Variants in RBPJ observed in about 807,000 individuals in gnomAD.
RBPJ encodes recombining binding protein suppressor of hairless.
In RBPJ, 9 loss-of-function variants were observed where a neutral mutation model predicts 67.8. The ratio of observed to expected loss-of-function variants is 0.13; its 90% CI spans 0.08 to 0.23. The LOEUF (loss-of-function observed/expected upper bound fraction) is 0.23. Among genes scored for constraint, RBPJ ranks in the 10% least tolerant of loss-of-function variants. The pLI, the probability that RBPJ is intolerant of heterozygous loss-of-function variation, is 1.00. For synonymous variants in RBPJ, 198 were observed against 203.3 expected, an observed-to-expected ratio of 0.97 and a Z score of 0.22; for missense variants, 305 against 595.6, an observed-to-expected ratio of 0.51 and a Z score of 5.08.
intron 1 of RBPJ, among the ~76,000 whole-genome samples, chr4:26,245,502 C>T (rs946143959): frequency 3.3e-5 from 5 of 152,030 alleles, no homozygotes; most frequent in East Asian, 1.9e-4. Context: ...ACACTGCACC[C>T]GGCCCACTAA....
chr4:26,183,412 G>A (rs914875142), intron 1 of RBPJ, among the ~76,000 whole-genome samples: 2 of 152,190 alleles, frequency 1.3e-5, no homozygotes, highest in African/African-American at 4.8e-5. Flanking sequence ...ACACGTTCTT[G>A]TTAGTAACCG....
chr4:26,201,859 G>A (rs1306911270), intron 1 of RBPJ, among the ~76,000 whole-genome samples: 1 of 152,154 alleles, frequency 6.6e-6, no homozygotes. Flanking sequence ...CTTATACACA[G>A]ATCAGAAATT....
In RBPJ at chr4:26,293,059, G is replaced by T. The variant is rs142791009; in HGVS notation, c.-166-69387G>T. On this transcript the variant is annotated intron_variant, in intron 1 of 4. Transcript: ENST00000512351. Reference sequence around the variant, plus strand: ...CACTTGGATATAGCTGGAGCACAAGGTACAGGGAGGGGAGTGAGAATGGGA... The same window carrying T: ...CACTTGGATATAGCTGGAGCACAAGTTACAGGGAGGGGAGTGAGAATGGGA... 1.7e-3 allele frequency among the ~76,000 whole-genome samples: 259 copies of T among 150,644 alleles called. 12 individuals carry two copies. Among genetic ancestry groups the T allele is most frequent in the African/African-American group, 6.0e-3 (246 of 41,000 alleles).
chr4:26,424,949 A>G lies in RBPJ; in HGVS notation c.747+206A>G. ...CTTTAAGGTAATAGCCAGTTTTTACAAGTACATTCTTAATGATTTTTTCTT... is the reference window on the plus strand; with the variant it reads ...CTTTAAGGTAATAGCCAGTTTTTACGAGTACATTCTTAATGATTTTTTCTT... On this transcript the variant is annotated intron_variant, in intron 7 of 10. Coordinates refer to ENST00000355476, the MANE Select transcript of RBPJ (RefSeq NM_015874.6). The surrounding 1 kb of genome is among the most constrained non-coding windows in gnomAD (Gnocchi z 5.3). 4.4e-6 allele frequency: 2 copies of G among 455,066 alleles called. No individual in the cohort carries two copies. Among genetic ancestry groups the G allele is most frequent in the Non-Finnish European group, 7.7e-6 (2 of 260,282 alleles). The allele number at this position is 455,066 out of a possible 1,614,324, so 28.2% of individuals were successfully genotyped here. A position where few individuals can be genotyped will look rare whatever the true frequency, so the allele number is the denominator to read the frequency against.
chr4:26,228,939 T>C (rs1719179514), intron 1 of RBPJ, among the ~76,000 whole-genome samples: 1 of 152,198 alleles, frequency 6.6e-6, no homozygotes, highest in South Asian at 2.1e-4. Flanking sequence ...CCACCTCCAT[T>C]TACTCAGCTC....
At chr4:26,357,478 T>C (rs1465335049) in intron 1 of RBPJ, among the ~76,000 whole-genome samples, 1 of 152,162 alleles carries the variant, frequency 6.6e-6, no homozygotes, top group African/African-American at 2.4e-5. Context: ...AAAGGAAATA[T>C]TTAGAAAATT....
chr4:26,429,789 C>T, intron 8 of RBPJ, 109 bp from the exon 9 acceptor site: 1 of 875,302 alleles, frequency 1.1e-6, no homozygotes, highest in Non-Finnish European at 1.7e-6. Context: ...TAAGTTTTTA[C>T]TGAGTTATCT....
At chr4:26,270,401 GAA>G (rs1312834767) in intron 1 of RBPJ, among the ~76,000 whole-genome samples, 3 of 59,988 alleles carry the variant, frequency 5.0e-5, no homozygotes, top group African/African-American at 1.5e-4. Flanking sequence ...AAGAAAGAAA[GAA>G]AGAAAGAAAG....
intron 2 of RBPJ, among the ~76,000 whole-genome samples, chr4:26,400,661 G>A (rs1048142206): frequency 6.6e-6 from 1 of 152,086 alleles, no homozygotes; most frequent in African/African-American, 2.4e-5. Context: ...TTTTACTGTT[G>A]AAAGAAGCTA....
At chr4:26,159,911 C>T (rs960888991), upstream of RBPJ, among the ~76,000 whole-genome samples, 2 of 149,798 alleles carry the variant, frequency 1.3e-5, no homozygotes, top group South Asian at 2.1e-4. Context: ...AGCTTTCTCT[C>T]TCTCTCTCTC....
chr4:26,226,314 AAATT>A (rs1370033554), intron 1 of RBPJ, among the ~76,000 whole-genome samples: 28 of 151,960 alleles, frequency 1.8e-4, no homozygotes, highest in African/African-American at 6.3e-4. Flanking sequence ...AAAAGAAAAA[AAATT>A]AATTAATTAG....
At chr4:26,384,174 A>G (rs539285831) in intron 1 of RBPJ, among the ~76,000 whole-genome samples, 1 of 152,328 alleles carries the variant, frequency 6.6e-6, no homozygotes, top group African/African-American at 2.4e-5. Flanking sequence ...GAAATTGAAT[A>G]TCATGTGGGA....
chr4:26,312,683 A>G (rs1373497259), intron 1 of RBPJ, among the ~76,000 whole-genome samples: 1 of 152,134 alleles, frequency 6.6e-6, no homozygotes, highest in East Asian at 1.9e-4. Flanking sequence ...TTGTACCCCC[A>G]AGCTGTTAAA....
At chr4:26,147,972 C>A in the RBPJ span, among the ~76,000 whole-genome samples, 1 of 152,182 alleles carries the variant, frequency 6.6e-6, no homozygotes, top group Non-Finnish European at 1.5e-5. Context: ...TCAGGCCCCA[C>A]CTTGAACTTA....
chr4:26,191,240 G>GAGAGAGAGAT (rs1717529497), intron 1 of RBPJ, among the ~76,000 whole-genome samples: 1 of 100,118 alleles, frequency 1.0e-5, no homozygotes, highest in African/African-American at 3.8e-5. Flanking sequence ...GAGAGAGAGA[G>GAGAGAGAGAT]ATAGAGAGAG....
chr4:26,246,978 T>C (rs529367545), intron 1 of RBPJ, among the ~76,000 whole-genome samples: 1 of 150,602 alleles, frequency 6.6e-6, no homozygotes, highest in African/African-American at 2.4e-5. Context: ...ATACGCTTTT[T>C]TTTTTTTTTT....
At position 26,220,596 on chromosome 4, in the gene RBPJ, C is replaced by G. The variant is rs573436217; in HGVS notation, c.-167+56982C>G. 1.6e-4 allele frequency among the ~76,000 whole-genome samples: 24 copies of G among 152,322 alleles called. No individual in the cohort carries two copies. The South Asian group carries it at 1.7e-3, about 11-fold the overall frequency. On this transcript the variant is annotated intron_variant, in intron 1 of 4. Coordinates refer to the RBPJ transcript ENST00000512351. ...ACTCCGGTCACAGCATCGCTTGCCTCTCCCTGGGTCCCACTCATAAAGAAT... is the reference window on the plus strand; with the variant it reads ...ACTCCGGTCACAGCATCGCTTGCCTGTCCCTGGGTCCCACTCATAAAGAAT...
At chr4:26,155,607 G>A in the RBPJ span, among the ~76,000 whole-genome samples, 1 of 151,980 alleles carries the variant, frequency 6.6e-6, no homozygotes, top group Non-Finnish European at 1.5e-5. Flanking sequence ...GCTAATTTTT[G>A]TATTTTTAGT....
intron 1 of RBPJ, among the ~76,000 whole-genome samples, chr4:26,310,824 C>T (rs1178582108): frequency 3.3e-5 from 5 of 151,964 alleles, no homozygotes; most frequent in Admixed American, 6.6e-5. Context: ...CGCCTGCCAA[C>T]GCACCCGGCT....
Sources: gnomAD v4.1 joint callset for allele counts (sites outside exome capture counted in the v4.1 genomes callset) on GRCh38, gnomAD v4.1.1 for gene constraint, Gnocchi (gnomAD v3.1) non-coding constraint, MANE v1.5 for transcripts, NCBI Gene and HGNC (gene_info 2026-07-23, HGNC 2026-07-21) for gene names.